The following ACYP2 variants were observed in gnomAD, a reference collection of about 807,000 sequenced individuals.
ACYP2 encodes the protein acylphosphatase 2.
ACYP2 carries 12 observed loss-of-function variants against 11.2 expected under a neutral mutation model. The ratio of observed to expected loss-of-function variants is 1.08; its 90% confidence interval spans 0.69 to 1.74. The LOEUF is 1.74. Among genes scored for constraint, ACYP2 ranks in the 40% most tolerant of loss-of-function variants. The pLI is 0.00. For missense variants in ACYP2, 134 were observed against 101.9 expected (o/e 1.31, Z -1.35); for synonymous variants, 43 against 32.2 (o/e 1.33, Z -1.13).
chr2:54,157,506 G>A (rs180819008), intron 6 of ACYP2, among the ~76,000 whole-genome samples: 14 of 152,174 alleles, frequency 9.2e-5, no homozygotes, highest in East Asian at 1.9e-4. Context: ...TATGAATCTC[G>A]TTGCAGTGAG....
chr2:54,079,223 T>A (rs1239753811), intron 4 of ACYP2, among the ~76,000 whole-genome samples: 1 of 152,252 alleles, frequency 6.6e-6, no homozygotes, highest in East Asian at 1.9e-4. Flanking sequence ...TTCCCTCCAC[T>A]GGACATCGTG....
intron 2 of ACYP2, among the ~76,000 whole-genome samples, chr2:54,010,888 C>T (rs1243286523): frequency 1.3e-5 from 2 of 151,530 alleles, no homozygotes; most frequent in Non-Finnish European, 2.9e-5. Context: ...AGGCTGGTCT[C>T]GAACTCCTGA....
intron 4 of ACYP2, among the ~76,000 whole-genome samples, chr2:54,058,867 G>A (rs982595778): frequency 2.0e-5 from 3 of 152,150 alleles, no homozygotes; most frequent in African/African-American, 7.2e-5. Flanking sequence ...TGGGAGGAGG[G>A]ATGTTTATCT....
intron 6 of ACYP2, among the ~76,000 whole-genome samples, chr2:54,244,619 G>A (rs1214098088): frequency 6.6e-6 from 1 of 152,102 alleles, no homozygotes; most frequent in Admixed American, 6.5e-5. Context: ...GTCTATTCCT[G>A]TGTCAGGAAT....
At chr2:54,019,360 C>G (rs1673874318) in intron 2 of ACYP2, among the ~76,000 whole-genome samples, 1 of 152,040 alleles carries the variant, frequency 6.6e-6, no homozygotes, top group African/African-American at 2.4e-5. Flanking sequence ...GGATGAGCCA[C>G]TGAGCTTGGC....
chr2:54,220,277 C>A (rs1685748566), intron 6 of ACYP2, among the ~76,000 whole-genome samples: 1 of 152,004 alleles, frequency 6.6e-6, no homozygotes, highest in African/African-American at 2.4e-5. Flanking sequence ...CAACTGTAAT[C>A]TTTCTTAATT....
intron 6 of ACYP2, 39 bp downstream of exon 3, chr2:54,138,787 G>A (rs770040423): frequency 3.2e-6 from 5 of 1,549,898 alleles, no homozygotes; most frequent in East Asian, 2.3e-5. Flanking sequence ...TGAAATTTAT[G>A]AGGCTGCTGT....
chr2:54,038,673 CTATATATATATA>C lies in ACYP2; in HGVS notation c.63-12256_63-12245del, dbSNP rs56817782. The stretch of plus-strand genomic sequence containing the variant: ...TCATTCAATAAATCTTTATTGAATA[CTATATATATATA>C]TATATATATATATATATATATATAT... On this transcript the variant is annotated intron_variant, in intron 2 of 6. Coordinates refer to ENST00000607452, the MANE Select transcript of ACYP2 (RefSeq NM_001320586.2). Among the ~76,000 whole-genome samples the C allele has an allele frequency of 4.3e-3, 461 of 106,104 alleles. 4 individuals carry two copies. Among genetic ancestry groups the C allele is most frequent in the African/African-American group, 0.015 (400 of 26,834 alleles). The allele number at this position is 106,104 out of a possible 152,430, so 69.6% of individuals were successfully genotyped here. A position where few individuals can be genotyped will look rare whatever the true frequency, so the allele number is the denominator to read the frequency against.
chr2:54,239,871 G>A (rs551462258), intron 6 of ACYP2, among the ~76,000 whole-genome samples: 2 of 152,232 alleles, frequency 1.3e-5, no homozygotes, highest in South Asian at 2.1e-4. Context: ...ATTTCCAAAT[G>A]TCATGTGTTT....
intron 1 of ACYP2, among the ~76,000 whole-genome samples, chr2:53,972,914 T>A (rs1558444386): frequency 6.6e-6 from 1 of 152,140 alleles, no homozygotes; most frequent in Non-Finnish European, 1.5e-5. Flanking sequence ...AGGAGGGTGA[T>A]CTAAACTGAG....
At chr2:54,256,767 A>T (rs1469331784) in intron 6 of ACYP2, among the ~76,000 whole-genome samples, 2 of 152,144 alleles carry the variant, frequency 1.3e-5, no homozygotes, top group African/African-American at 4.8e-5. Context: ...TCAGCCTCCC[A>T]AGTAGCCGGG....
chr2:54,046,682 A>AG (rs1034088680), intron 2 of ACYP2, among the ~76,000 whole-genome samples: 2 of 152,160 alleles, frequency 1.3e-5, no homozygotes, highest in Non-Finnish European at 2.9e-5. Flanking sequence ...GGCCAGCTTC[A>AG]GGGGTGTATG....
At chr2:54,251,857 A>C (rs908792229) in intron 6 of ACYP2, among the ~76,000 whole-genome samples, 5 of 152,248 alleles carry the variant, frequency 3.3e-5, no homozygotes, top group African/African-American at 1.2e-4. Context: ...CCATTATAAA[A>C]GATTCAGATT....
chr2:54,144,015 G>C (rs762834172), intron 6 of ACYP2, among the ~76,000 whole-genome samples: 1 of 152,090 alleles, frequency 6.6e-6, no homozygotes, highest in Non-Finnish European at 1.5e-5. Context: ...TGTCACCCAA[G>C]CTGGAGTGCA....
At chr2:54,266,022 G>A (rs1001684771) in intron 6 of ACYP2, among the ~76,000 whole-genome samples, 1 of 152,068 alleles carries the variant, frequency 6.6e-6, no homozygotes, top group Non-Finnish European at 1.5e-5. Flanking sequence ...TCAATATATT[G>A]CAAAAAGTAG....
intron 4 of ACYP2, among the ~76,000 whole-genome samples, chr2:54,081,646 AG>A (rs1165820705): frequency 5.9e-5 from 9 of 152,346 alleles, no homozygotes; most frequent in African/African-American, 2.2e-4. Flanking sequence ...TCCAACGTTA[AG>A]GCTATTCACA....
intron 2 of ACYP2, among the ~76,000 whole-genome samples, chr2:54,048,333 G>C (rs986946917): frequency 8.5e-5 from 13 of 152,112 alleles, no homozygotes; most frequent in Non-Finnish European, 1.6e-4. Flanking sequence ...AGCTGAGGTG[G>C]AAGAATTGCT....
At chr2:54,056,059 C>A (rs199716589) in intron 3 of ACYP2, among the ~76,000 whole-genome samples, 1 of 152,158 alleles carries the variant, frequency 6.6e-6, no homozygotes, top group Non-Finnish European at 1.5e-5. Context: ...TTTCAAAATG[C>A]TGCTTTTTCT....
intron 6 of ACYP2, among the ~76,000 whole-genome samples, chr2:54,197,404 T>A (rs973736014): frequency 6.6e-6 from 1 of 152,194 alleles, no homozygotes; most frequent in Non-Finnish European, 1.5e-5. Context: ...TGAACCCCCT[T>A]TCCCTTTACC....
Sources: gnomAD v4.1 joint callset for allele counts (sites outside exome capture counted in the v4.1 genomes callset) on GRCh38, gnomAD v4.1.1 for gene constraint, MANE v1.5 for transcripts, NCBI Gene and HGNC (gene_info 2026-07-23, HGNC 2026-07-21) for gene names.